The following PPFIBP2 variants were observed in gnomAD, a reference collection of about 807,000 sequenced individuals.
PPFIBP2 encodes the protein liprin-beta-2.
Under a neutral mutation model 118.3 loss-of-function variants are expected in PPFIBP2, and 118 were observed. The ratio of observed to expected loss-of-function variants is 1.00; its 90% CI spans 0.86 to 1.16. The LOEUF is 1.16. Ranked by LOEUF, PPFIBP2 falls within the 50% of genes most tolerant of loss-of-function variation. The probability of loss-of-function intolerance (pLI) is 0.00; values close to 1 mark genes in which losing one functional copy is unlikely to be tolerated. For missense variants in PPFIBP2, 1,195 were observed against 1,073.1 expected (o/e 1.11, Z -1.59); for synonymous variants, 414 against 397.4 (o/e 1.04, Z -0.50).
At chr11:7,594,315 C>T (rs1294066531) in intron 4 of PPFIBP2, among the ~76,000 whole-genome samples, 1 of 151,944 alleles carries the variant, frequency 6.6e-6, no homozygotes, top group Non-Finnish European at 1.5e-5. Flanking sequence ...TAACTGAGCT[C>T]ATACCAAATA....
At position 7,632,132 on chromosome 11, in the gene PPFIBP2, TC is replaced by T. The variant is rs757904363; in HGVS notation, c.1069-734del. 4.6e-5 allele frequency among the ~76,000 whole-genome samples: 7 copies of T among 152,346 alleles called. No homozygotes were observed. The South Asian group carries it at 1.2e-3, about 27-fold the overall frequency. On this transcript the variant is annotated intron_variant, in intron 11 of 23. Transcript: ENST00000299492. ...CACGGGACTGTATTATTTCATACCA[TC>T]ATTAGCTCATGGTCTTTCCCCCTGT...
Position 7,608,874 on chromosome 11 carries a change from A to G in PPFIBP2, c.487-1417A>G, listed in dbSNP as rs190772881. Reference sequence around the variant, plus strand: ...TTCAGTTCTCCATTGCATTGGACGCACTCATCTGGCTGACTCCTAGTGGCC... The same window carrying G: ...TTCAGTTCTCCATTGCATTGGACGCGCTCATCTGGCTGACTCCTAGTGGCC... On this transcript the variant is annotated intron_variant, in intron 5 of 23. Coordinates refer to ENST00000299492, the MANE Select transcript of PPFIBP2 (RefSeq NM_003621.5). Among the ~76,000 whole-genome samples the G allele has an allele frequency of 1.4e-4, 21 of 152,282 alleles. No individual in the cohort carries two copies. In the East Asian group the frequency reaches 3.5e-3, roughly 25 times the overall value.
At chr11:7,562,294 AG>A (rs1854388033) in intron 2 of PPFIBP2, among the ~76,000 whole-genome samples, 1 of 152,232 alleles carries the variant, frequency 6.6e-6, no homozygotes, top group Non-Finnish European at 1.5e-5. Flanking sequence ...CATTGGTAGA[AG>A]GGCTTAGTTC....
At chr11:7,515,647 C>G (rs1263802451) in intron 1 of PPFIBP2, among the ~76,000 whole-genome samples, 2 of 152,132 alleles carry the variant, frequency 1.3e-5, no homozygotes, top group African/African-American at 4.8e-5. Context: ...GGCCAGTGGT[C>G]CAGCTTGGCT....
chr11:7,593,187 C>A lies in PPFIBP2; in HGVS notation c.335C>A (p.Ala112Glu). The A allele has an allele frequency of 6.2e-7, 1 of 1,614,000 alleles. No homozygotes were observed. The highest frequency in any genetic ancestry group is 8.5e-7 in the Non-Finnish European group (1 of 1,179,938). The change falls in exon 4 of 24, where the codon GCA becomes GAA. Residue 112 changes from alanine (A) to glutamate (E), a missense_variant. By Grantham distance (107) the Ala-to-Glu change is moderately radical. Transcript: ENST00000299492. ...AATGAAACCTACCAGGAACGCTTGG[C>A]ACGTCTAGAAGGGGATAAGGAGTCC... ...ASNETYQERL[A>E]RLEGDKESLI...
At chr11:7,541,274 T>C (rs1851748212) in intron 1 of PPFIBP2, among the ~76,000 whole-genome samples, 2 of 152,048 alleles carry the variant, frequency 1.3e-5, no homozygotes, top group African/African-American at 2.4e-5. Flanking sequence ...GACCACGAGA[T>C]AGGTGAATCT....
chr11:7,563,836 CT>C (rs1431292786), intron 2 of PPFIBP2, among the ~76,000 whole-genome samples: 9 of 152,128 alleles, frequency 5.9e-5, no homozygotes, highest in African/African-American at 2.2e-4. Context: ...GGAAAGGAGA[CT>C]TTTGCTGCTG....
rs2135666350 is a variant in PPFIBP2 at position 7,623,955 on chromosome 11, G to A, written c.712-1822G>A. On this transcript the variant is annotated intron_variant, in intron 7 of 23. Coordinates refer to ENST00000299492, the MANE Select transcript of PPFIBP2 (RefSeq NM_003621.5). ...TCCATAGCTGCATGTCTCAGAAAGT[G>A]GGTTACACAGCAGGACCCAGCTCTT... 2.6e-5 allele frequency among the ~76,000 whole-genome samples: 4 copies of A among 152,328 alleles called. No homozygotes were observed. In the South Asian group the frequency reaches 8.3e-4, roughly 32 times the overall value.
chr11:7,540,694 A>G (rs1177709171), intron 1 of PPFIBP2, among the ~76,000 whole-genome samples: 11 of 152,210 alleles, frequency 7.2e-5, no homozygotes, highest in Admixed American at 7.2e-4. Flanking sequence ...GGGACCCCAC[A>G]GGGACCCAGA....
chr11:7,614,584 T>A (rs182252133), intron 6 of PPFIBP2, among the ~76,000 whole-genome samples: 1 of 152,218 alleles, frequency 6.6e-6, no homozygotes, highest in Non-Finnish European at 1.5e-5. Context: ...GTGAATAATC[T>A]TGTATATATG....
intron 3 of PPFIBP2, among the ~76,000 whole-genome samples, chr11:7,591,353 T>G (rs2135216271): frequency 6.6e-6 from 1 of 151,900 alleles, no homozygotes; most frequent in South Asian, 2.1e-4. Flanking sequence ...GGGTTCTACC[T>G]GCAGAGCTTC....
intron 11 of PPFIBP2, 35 bp from the exon 12 acceptor site, chr11:7,632,832 T>C: frequency 6.4e-7 from 1 of 1,558,778 alleles, no homozygotes; most frequent in Non-Finnish European, 8.8e-7. Context: ...CCAAACAGAC[T>C]GTCCTCTACC....
intron 17 of PPFIBP2, among the ~76,000 whole-genome samples, chr11:7,644,393 A>G (rs551984836): frequency 6.6e-6 from 1 of 152,240 alleles, no homozygotes; most frequent in African/African-American, 2.4e-5. Context: ...ATGAGTTACT[A>G]TTTTTGAGAA....
chr11:7,600,321 C>T (rs896517848), intron 5 of PPFIBP2, among the ~76,000 whole-genome samples: 1 of 152,200 alleles, frequency 6.6e-6, no homozygotes, highest in African/African-American at 2.4e-5. Flanking sequence ...GTTGAATGTT[C>T]GGCCGCACAT....
intron 5 of PPFIBP2, among the ~76,000 whole-genome samples, chr11:7,605,573 A>G (rs935595052): frequency 6.6e-6 from 1 of 152,244 alleles, no homozygotes. Context: ...ACAAATGCAC[A>G]TGAGGCCTGT....
chr11:7,630,078 G>A (rs12576185), intron 10 of PPFIBP2, among the ~76,000 whole-genome samples: 27,759 of 152,258 alleles, frequency 0.18, 2,844 homozygotes, highest in East Asian at 0.5. Context: ...GGGTTCTTAT[G>A]GGCATAGTGG....
At chr11:7,545,534 C>G (rs760159343) in intron 1 of PPFIBP2, among the ~76,000 whole-genome samples, 2 of 152,168 alleles carry the variant, frequency 1.3e-5, no homozygotes, top group Admixed American at 6.5e-5. Context: ...TAATCTCTTA[C>G]TGTGCCGTGC....
At chr11:7,573,310 C>T (rs146239311) in intron 3 of PPFIBP2, among the ~76,000 whole-genome samples, 272 of 152,324 alleles carry the variant, frequency 1.8e-3, no homozygotes, top group African/African-American at 6.3e-3. Context: ...CCATGGCCCA[C>T]AGTTAGCCCA....
intron 6 of PPFIBP2, among the ~76,000 whole-genome samples, chr11:7,613,134 A>C (rs34656556): frequency 0.11 from 16,728 of 152,066 alleles, 1,039 homozygotes; most frequent in African/African-American, 0.16. Context: ...GATCTGAAAT[A>C]CAGTTTCTCA....
Sources: gnomAD v4.1 joint callset for allele counts (sites outside exome capture counted in the v4.1 genomes callset) on GRCh38, gnomAD v4.1.1 for gene constraint, MANE v1.5 for transcripts, NCBI Gene and HGNC (gene_info 2026-07-23, HGNC 2026-07-21) for gene names.